Variants in ATP1B3 observed in about 807,000 individuals in gnomAD.
ATP1B3 encodes sodium/potassium-transporting ATPase subunit beta-3.
ATP1B3 carries 10 observed loss-of-function variants against 30.2 expected under a neutral mutation model. The ratio of observed to expected loss-of-function variants is 0.33; its 90% CI spans 0.20 to 0.56. The LOEUF (loss-of-function observed/expected upper bound fraction) is 0.56. Among genes scored for constraint, ATP1B3 ranks in the 20% least tolerant of loss-of-function variants. The pLI is 0.90. For synonymous variants in ATP1B3, 113 were observed against 117.0 expected (o/e 0.97, Z 0.22); for missense variants, 238 against 336.7 (o/e 0.71, Z 2.29).
intron 3 of ATP1B3, among the ~76,000 whole-genome samples, chr3:141,910,452 C>A (rs933942722): frequency 6.6e-6 from 1 of 151,960 alleles, no homozygotes; most frequent in Admixed American, 6.6e-5. Flanking sequence ...TTTCTTAGTT[C>A]ACATGTCTCA....
chr3:141,914,785 G>GGGA (rs1255418540), intron 4 of ATP1B3, among the ~76,000 whole-genome samples: 1 of 152,160 alleles, frequency 6.6e-6, no homozygotes, highest in Non-Finnish European at 1.5e-5. Flanking sequence ...CTTCCCTGTA[G>GGGA]GGAGAACCAG....
At chr3:141,914,441 G>A (rs1199767391) in intron 4 of ATP1B3, among the ~76,000 whole-genome samples, 1 of 152,208 alleles carries the variant, frequency 6.6e-6, no homozygotes, top group Non-Finnish European at 1.5e-5. Flanking sequence ...AAAGGAAGAA[G>A]CTAATGTTCT....
chr3:141,900,883 A>G (rs1389281533), intron 1 of ATP1B3, among the ~76,000 whole-genome samples: 2 of 152,118 alleles, frequency 1.3e-5, no homozygotes, highest in Non-Finnish European at 1.5e-5. Flanking sequence ...CCTGGGTTCA[A>G]GCAATTCTCC....
intron 1 of ATP1B3, among the ~76,000 whole-genome samples, chr3:141,890,937 C>G (rs771550949): frequency 1.3e-5 from 2 of 152,168 alleles, no homozygotes; most frequent in African/African-American, 4.8e-5. Context: ...CTTTGTTATA[C>G]TTGTAAATAT....
intron 3 of ATP1B3, among the ~76,000 whole-genome samples, chr3:141,908,208 A>G (rs755907872): frequency 6.6e-6 from 1 of 151,696 alleles, no homozygotes; most frequent in African/African-American, 2.4e-5. Context: ...CTGATTTTTA[A>G]TACATCCGTT....
Position 141,876,843 on chromosome 3 carries a change from C to G in ATP1B3, c.42C>G (p.Ala14=), listed in dbSNP as rs371693282. ...NEKKSLNQSL[A]EWKLFIYNPT... ...AGAAGTCCCTCAACCAGAGCCTGGC[C>G]GAGTGGAAGCTCTTCATCTACAACC... Residue 14 remains alanine (A), a synonymous_variant, in exon 1 of 7, where the codon GCC becomes GCG. Coordinates refer to ENST00000286371, the MANE Select transcript of ATP1B3 (RefSeq NM_001679.4). 1.4e-5 allele frequency: 23 copies of G among 1,586,504 alleles called. No homozygotes were observed. The highest frequency in any genetic ancestry group is 1.8e-5 in the Non-Finnish European group (21 of 1,166,192).
At chr3:141,893,315 A>G (rs1161278697) in intron 1 of ATP1B3, among the ~76,000 whole-genome samples, 1 of 152,040 alleles carries the variant, frequency 6.6e-6, no homozygotes, top group East Asian at 1.9e-4. Flanking sequence ...AGCTCTCTTT[A>G]TTCTTGATGT....
At chr3:141,877,487 G>C (rs1037960821) in intron 1 of ATP1B3, 1 of 152,242 alleles carries the variant, frequency 6.6e-6, no homozygotes, top group African/African-American at 2.4e-5. Context: ...TAAACGTGTA[G>C]CGGTGAGTTA....
At chr3:141,894,989 A>T (rs899815087) in intron 1 of ATP1B3, among the ~76,000 whole-genome samples, 1 of 152,098 alleles carries the variant, frequency 6.6e-6, no homozygotes, top group Non-Finnish European at 1.5e-5. Flanking sequence ...TTGTGTTGCG[A>T]CATCACTAGG....
rs1451922290 is a variant in ATP1B3, at chr3:141,926,251, G to A, written c.*550G>A. 1.3e-5 allele frequency: 2 copies of A among 151,752 alleles called. No homozygotes were observed. Among genetic ancestry groups the A allele is most frequent in the South Asian group, 2.1e-4 (1 of 4,806 alleles). The allele number at this position is 151,752 out of a possible 1,614,324, so 9.4% of individuals were successfully genotyped here. ...ATTTTTTACATGCTGAATTAGCCTC[G>A]ATCTTTTTGATTAAGAGCACAAACT... On this transcript the variant is annotated 3_prime_UTR_variant, in exon 7 of 7. Transcript: ENST00000286371.
At position 141,891,864 on chromosome 3, in the gene ATP1B3, A is replaced by G. The variant is rs903174505; in HGVS notation, c.110-11756A>G. ...TGTATTGTTAATTTCTAATGTATTTATTTTGAGATGTTAGAGAATGTGGCC... is the reference window on the plus strand; with the variant it reads ...TGTATTGTTAATTTCTAATGTATTTGTTTTGAGATGTTAGAGAATGTGGCC... On this transcript the variant is annotated intron_variant, in intron 1 of 6. Coordinates refer to ENST00000286371, the MANE Select transcript of ATP1B3 (RefSeq NM_001679.4). 2.8e-5 allele frequency among the ~76,000 whole-genome samples: 4 copies of G among 141,892 alleles called. No homozygotes were observed. In the East Asian group the frequency reaches 8.4e-4, roughly 30 times the overall value. 93.1% of individuals were successfully genotyped at this position (141,892 alleles called of 152,430 possible). A position where few individuals can be genotyped will look rare whatever the true frequency, so the allele number is the denominator to read the frequency against.
At chr3:141,877,456 T>C (rs1933628076) in intron 1 of ATP1B3, 1 of 152,364 alleles carries the variant, frequency 6.6e-6, no homozygotes, top group Non-Finnish European at 1.5e-5. Flanking sequence ...GACTGAGTGT[T>C]AAGTGTGGGT....
chr3:141,919,138 G>A (rs150263633), intron 5 of ATP1B3: 3 of 152,216 alleles, frequency 2.0e-5, no homozygotes, highest in East Asian at 1.9e-4. Flanking sequence ...TATGTCAAGC[G>A]TTCTTTAAAT....
chr3:141,908,382 G>A (rs989537685), intron 3 of ATP1B3, among the ~76,000 whole-genome samples: 5 of 152,070 alleles, frequency 3.3e-5, no homozygotes, highest in Non-Finnish European at 1.5e-5. Context: ...CTCTTCCTCA[G>A]CCACAGACAC....
At chr3:141,877,227 A>C (rs142020592) in intron 1 of ATP1B3, among the ~76,000 whole-genome samples, 26 of 150,608 alleles carry the variant, frequency 1.7e-4, no homozygotes, top group African/African-American at 5.4e-4. Flanking sequence ...GAAGCCGGGG[A>C]CCCCTGCCCG....
At chr3:141,916,628 A>C (rs1221372403) in intron 5 of ATP1B3, 1 of 1,105,594 alleles carries the variant, frequency 9.0e-7, no homozygotes, top group Admixed American at 2.4e-5. Flanking sequence ...GCTAAATATT[A>C]ACATTTCAAC....
chr3:141,909,668 G>A (rs1297256162), intron 3 of ATP1B3, among the ~76,000 whole-genome samples: 1 of 152,238 alleles, frequency 6.6e-6, no homozygotes, highest in Non-Finnish European at 1.5e-5. Context: ...AGCCAGGGGA[G>A]AGCAGTAGGA....
intron 1 of ATP1B3, among the ~76,000 whole-genome samples, chr3:141,893,884 T>G (rs575912180): frequency 6.6e-6 from 1 of 152,310 alleles, no homozygotes; most frequent in African/African-American, 2.4e-5. Flanking sequence ...TGTGCTTAGC[T>G]GTGTTCATTG....
Position 141,925,768 on chromosome 3 carries a change from T to G in ATP1B3, c.*67T>G. ...GTCTTCATTTTGTAACAGCTGGACC[T>G]TCCATTCTAGAATTATGAGACCACC... On this transcript the variant is annotated 3_prime_UTR_variant, in exon 7 of 7. Transcript: ENST00000286371. 6.5e-7 allele frequency: 1 copy of G among 1,543,410 alleles called. No homozygotes were observed. Among genetic ancestry groups the G allele is most frequent in the East Asian group, 2.3e-5 (1 of 44,418 alleles).
Sources: allele counts gnomAD v4.1 joint callset (sites outside exome capture counted in the v4.1 genomes callset), GRCh38; gene constraint gnomAD v4.1.1; transcripts MANE v1.5; gene names NCBI Gene and HGNC (gene_info 2026-07-23, HGNC 2026-07-21).